SLC9B1: variants seen among roughly 807,000 people sequenced by gnomAD.
SLC9B1 encodes sodium/hydrogen exchanger 9B1.
Under a neutral mutation model 51.7 loss-of-function variants are expected in SLC9B1, and 32 were observed. The ratio of observed to expected loss-of-function variants is 0.62; its 90% CI spans 0.47 to 0.83. SLC9B1 has a LOEUF of 0.83. SLC9B1 is among the 40% of genes least tolerant of loss of function. SLC9B1 has a pLI of 0.00. For synonymous variants in SLC9B1, 145 were observed against 212.7 expected (o/e 0.68, Z 2.77); for missense variants, 406 against 613.2 (o/e 0.66, Z 3.57).
At chr4:102,962,380 T>C in intron 3 of SLC9B1, 1 of 538,398 alleles carries the variant, frequency 1.9e-6, no homozygotes, top group Middle Eastern at 3.2e-4. Flanking sequence ...GGTTTTTAAA[T>C]ATCTTTGAGC....
chr4:102,946,581 C>T, intron 5 of SLC9B1, 66 bp downstream of exon 5: 1 of 1,534,196 alleles, frequency 6.5e-7, no homozygotes. Flanking sequence ...ATTTTTGCTT[C>T]TTTTTCTTTC....
chr4:102,935,219 G>A (rs930571522), intron 6 of SLC9B1, among the ~76,000 whole-genome samples: 1 of 151,972 alleles, frequency 6.6e-6, no homozygotes, highest in Non-Finnish European at 1.5e-5. Context: ...AAAGTTGAAG[G>A]ACAACACATA....
rs1733994790 is a variant in SLC9B1, at chr4:102,887,566, T to C, written c.1333-2238A>G. ...ACTACTGTTTGTATTTGATCCTTTG[T>C]CTATTCAGTCACTTAATTAGAAATT... On this transcript the variant is annotated intron_variant, in intron 11 of 11. Coordinates refer to the SLC9B1 transcript ENST00000394789. 3 of 554,080 alleles carry C rather than the reference T, an allele frequency of 5.4e-6. No homozygotes were observed. The African/African-American group carries it at 5.7e-5, about 10-fold the overall frequency. The allele number at this position is 554,080 out of a possible 1,614,324, so 34.3% of individuals were successfully genotyped here. A position where few individuals can be genotyped will look rare whatever the true frequency, so the allele number is the denominator to read the frequency against.
intron 3 of SLC9B1, among the ~76,000 whole-genome samples, chr4:102,950,044 T>C (rs1360816611): frequency 6.6e-6 from 1 of 152,146 alleles, no homozygotes; most frequent in Non-Finnish European, 1.5e-5. Context: ...GTTAAAAACA[T>C]CATGGCAATA....
At chr4:102,887,569 A>G (rs1383364713) in intron 11 of SLC9B1, 39 of 545,830 alleles carry the variant, frequency 7.1e-5, no homozygotes, top group Middle Eastern at 1.0e-3. Flanking sequence ...TCCTTTGTCT[A>G]TTCAGTCACT....
chr4:102,888,204 A>G (rs1298706082), intron 11 of SLC9B1: 1 of 152,222 alleles, frequency 6.6e-6, no homozygotes, highest in Non-Finnish European at 1.5e-5. Context: ...TCATATTAAA[A>G]TAGTTCAGTG....
At position 102,945,415 on chromosome 4, in the gene SLC9B1, G is replaced by A. The variant is rs559646322; in HGVS notation, c.526-95C>T. 8 of 1,358,346 alleles carry A rather than the reference G, an allele frequency of 5.9e-6. 1 individual carries two copies. In the Admixed American group the frequency reaches 2.1e-4, roughly 35 times the overall value. 84.1% of individuals were successfully genotyped at this position (1,358,346 alleles called of 1,614,324 possible). A position where few individuals can be genotyped will look rare whatever the true frequency, so the allele number is the denominator to read the frequency against. On this transcript the variant is annotated intron_variant, in intron 5 of 11. Coordinates refer to ENST00000296422, the MANE Select transcript of SLC9B1 (RefSeq NM_139173.4). ...CAAACTATAAAGTCTTTTTTCATAA[G>A]AAGCTTTCACTAAACGAAATCTCAT...
At chr4:102,931,445 C>G (rs896289495) in intron 7 of SLC9B1, among the ~76,000 whole-genome samples, 16 of 151,780 alleles carry the variant, frequency 1.1e-4, no homozygotes, top group African/African-American at 3.6e-4. Context: ...AACTTTTCCT[C>G]TTTTTCTTAT....
intron 1 of SLC9B1, among the ~76,000 whole-genome samples, chr4:103,015,599 G>T (rs1741275073): frequency 6.6e-6 from 1 of 152,094 alleles, no homozygotes; most frequent in Non-Finnish European, 1.5e-5. Flanking sequence ...ACTTTGCCCA[G>T]CTGTGCTATT....
At chr4:102,994,169 A>T (rs1330537724) in intron 1 of SLC9B1, among the ~76,000 whole-genome samples, 1 of 152,076 alleles carries the variant, frequency 6.6e-6, no homozygotes, top group East Asian at 1.9e-4. Flanking sequence ...TTTCTATTGC[A>T]TCATCAGGCT....
intron 1 of SLC9B1, among the ~76,000 whole-genome samples, chr4:103,004,688 G>C (rs1740692258): frequency 6.6e-6 from 1 of 152,172 alleles, no homozygotes; most frequent in Non-Finnish European, 1.5e-5. Flanking sequence ...CTAGAGAAAA[G>C]AGGCAGGTCA....
intron 3 of SLC9B1, among the ~76,000 whole-genome samples, chr4:102,980,497 A>T (rs1445630096): frequency 6.6e-6 from 1 of 152,216 alleles, no homozygotes; most frequent in East Asian, 1.9e-4. Flanking sequence ...CAGAAACAGA[A>T]AACCAAATAA....
chr4:102,900,056 C>A (rs1480399306), downstream of SLC9B1, among the ~76,000 whole-genome samples: 1 of 152,134 alleles, frequency 6.6e-6, no homozygotes, highest in African/African-American at 2.4e-5. Flanking sequence ...CTTCACTTGG[C>A]AAATTTATGT....
intron 3 of SLC9B1, among the ~76,000 whole-genome samples, chr4:102,985,540 T>A (rs980353448): frequency 3.5e-5 from 1 of 28,474 alleles, no homozygotes; most frequent in Non-Finnish European, 5.6e-5. Flanking sequence ...TTTTCTTTTC[T>A]TTTTTTTTTT....
chr4:102,943,221 T>C (rs1043864614), intron 6 of SLC9B1, among the ~76,000 whole-genome samples: 1 of 151,280 alleles, frequency 6.6e-6, no homozygotes, highest in African/African-American at 2.4e-5. Flanking sequence ...ACTTTCACAC[T>C]GCTGGGGGGA....
chr4:102,945,766 T>C (rs565489274), intron 5 of SLC9B1, among the ~76,000 whole-genome samples: 2 of 152,130 alleles, frequency 1.3e-5, no homozygotes, highest in Non-Finnish European at 2.9e-5. Flanking sequence ...CTTTTCAATG[T>C]TCTCCTTGGT....
intron 11 of SLC9B1, among the ~76,000 whole-genome samples, chr4:102,894,701 A>T (rs1734451500): frequency 6.6e-6 from 1 of 152,222 alleles, no homozygotes; most frequent in African/African-American, 2.4e-5. Context: ...TCATACCTGT[A>T]ATCTCAGCAC....
rs1737208729 is a variant in SLC9B1 at position 102,945,212 on chromosome 4, G to A, written c.634C>T (p.Gln212Ter). 6.2e-7 allele frequency: 1 copy of A among 1,607,312 alleles called. No homozygotes were observed. Among genetic ancestry groups the A allele is most frequent in the Non-Finnish European group, 8.5e-7 (1 of 1,175,698 alleles). ...AATTACCCTAATAGAAATGCCCATT[G>A]CCAGGGAAATTTCATAATGAAGTGT... ...FSHFIMKFPW[Q>*]WAFLLGFVLG... The change falls in exon 6 of 12, where the codon CAA (glutamine) becomes TAA (stop). Residue 212 changes from glutamine (Q) to a stop codon, truncating the protein, a stop_gained. Transcript: ENST00000296422. LOFTEE classifies it high-confidence loss of function.
rs192340695 is a variant in SLC9B1 at position 102,990,647 on chromosome 4, A to G, written c.70-706T>C. Among the ~76,000 whole-genome samples, 68 of 138,714 alleles carry G rather than the reference A, an allele frequency of 4.9e-4. No homozygotes were observed. The East Asian group carries it at 0.014, about 28-fold the overall frequency. 91.0% of individuals were successfully genotyped at this position (138,714 alleles called of 152,430 possible). A position where few individuals can be genotyped will look rare whatever the true frequency, so the allele number is the denominator to read the frequency against. ...CAGTAGAAATCTCCAAATTTGCCTT[A>G]TGATTGTCATGGGTGGGTGGGTGTG... On this transcript the variant is annotated intron_variant, in intron 2 of 11. Transcript: ENST00000296422.
Sources: gnomAD v4.1 joint callset for allele counts (sites outside exome capture counted in the v4.1 genomes callset) on GRCh38, gnomAD v4.1.1 for gene constraint, MANE v1.5 for transcripts, NCBI Gene and HGNC (gene_info 2026-07-23, HGNC 2026-07-21) for gene names.